Variants in MAML2 observed in about 807,000 individuals in gnomAD.
MAML2 encodes mastermind like transcriptional coactivator 2.
In MAML2, 22 loss-of-function variants were observed where a neutral mutation model predicts 96.1. The ratio of observed to expected loss-of-function variants is 0.23; its 90% confidence interval spans 0.16 to 0.33. The LOEUF (loss-of-function observed/expected upper bound fraction) is 0.33, where lower values mean the gene tolerates loss of function less well. Among genes scored for constraint, MAML2 ranks in the 10% least tolerant of loss-of-function variants. The pLI is 1.00. For missense variants in MAML2, 1,367 were observed against 1,392.4 expected (o/e 0.98, Z 0.29); for synonymous variants, 561 against 521.3 (o/e 1.08, Z -1.04).
At chr11:96,173,770 C>T (rs868104426) in intron 1 of MAML2, among the ~76,000 whole-genome samples, 5 of 152,198 alleles carry the variant, frequency 3.3e-5, no homozygotes, top group Non-Finnish European at 5.9e-5. Context: ...CTCTTGTCCC[C>T]CAACATCATT....
chr11:96,120,269 A>G (rs1024000527), intron 1 of MAML2, among the ~76,000 whole-genome samples: 2 of 152,124 alleles, frequency 1.3e-5, no homozygotes, highest in African/African-American at 4.8e-5. Context: ...GAAGATTCAG[A>G]TTCTTAAGGT....
intron 1 of MAML2, among the ~76,000 whole-genome samples, chr11:96,203,421 G>A (rs918825987): frequency 1.3e-5 from 2 of 152,196 alleles, no homozygotes; most frequent in African/African-American, 4.8e-5. Context: ...AGTCCTATCA[G>A]ATTATGCCTT....
At chr11:96,166,728 T>C (rs1861201255) in intron 1 of MAML2, among the ~76,000 whole-genome samples, 2 of 152,234 alleles carry the variant, frequency 1.3e-5, no homozygotes, top group African/African-American at 4.8e-5. Flanking sequence ...TACTGTCTGT[T>C]TTAGGTTTCA....
intron 3 of MAML2, among the ~76,000 whole-genome samples, chr11:95,989,847 T>C (rs995468785): frequency 1.2e-4 from 19 of 152,230 alleles, no homozygotes; most frequent in African/African-American, 4.6e-4. Flanking sequence ...TCTTTTCACA[T>C]GCCCTGAATA....
chr11:96,023,699 G>A (rs1277763249), intron 2 of MAML2, among the ~76,000 whole-genome samples: 1 of 152,160 alleles, frequency 6.6e-6, no homozygotes, highest in East Asian at 1.9e-4. Flanking sequence ...TGATCACAAG[G>A]CCTTTCCACC....
chr11:96,183,701 C>T lies in MAML2; in HGVS notation c.514-90184G>A, dbSNP rs1861527642. On this transcript the variant is annotated intron_variant, in intron 1 of 4. Coordinates refer to ENST00000524717, the MANE Select transcript of MAML2 (RefSeq NM_032427.4). The stretch of plus-strand genomic sequence containing the variant: ...CTAGGATTATAAGCATAAGCCACCA[C>T]ACCCAGCCCATTTCTTTTATTATTA... Among the ~76,000 whole-genome samples, 3 of 152,162 alleles carry T rather than the reference C, an allele frequency of 2.0e-5. 1 individual carries two copies. In the South Asian group the frequency reaches 6.2e-4, roughly 31 times the overall value.
At chr11:96,199,738 C>G (rs1275344095) in intron 1 of MAML2, among the ~76,000 whole-genome samples, 2 of 152,186 alleles carry the variant, frequency 1.3e-5, no homozygotes, top group Non-Finnish European at 2.9e-5. Flanking sequence ...CTAAATCTAA[C>G]TCTGCTTAGT....
At chr11:96,159,817 C>G (rs148374144) in intron 1 of MAML2, among the ~76,000 whole-genome samples, 165 of 152,256 alleles carry the variant, frequency 1.1e-3, no homozygotes, top group African/African-American at 3.7e-3. Context: ...CCAGTAGGGC[C>G]TGGAAATTTG....
chr11:96,219,548 C>A (rs965236692), intron 1 of MAML2, among the ~76,000 whole-genome samples: 1 of 152,140 alleles, frequency 6.6e-6, no homozygotes, highest in Non-Finnish European at 1.5e-5. Context: ...AGGAGTCAGA[C>A]CAATTTTGGT....
At chr11:96,072,807 T>G (rs1859368108) in intron 2 of MAML2, among the ~76,000 whole-genome samples, 1 of 152,200 alleles carries the variant, frequency 6.6e-6, no homozygotes, top group Non-Finnish European at 1.5e-5. Flanking sequence ...CCTCTTACCC[T>G]GCTCTGCCAA....
intron 1 of MAML2, among the ~76,000 whole-genome samples, chr11:96,183,205 C>T (rs924079301): frequency 1.5e-4 from 23 of 152,214 alleles, no homozygotes; most frequent in Middle Eastern, 3.4e-3. Flanking sequence ...GTGATCCACC[C>T]GCCTCGGCCT....
chr11:96,052,796 G>C (rs1939474), intron 2 of MAML2, among the ~76,000 whole-genome samples: 19,036 of 152,238 alleles, frequency 0.13, 1,512 homozygotes, highest in South Asian at 0.18. Flanking sequence ...TGAAGATTCA[G>C]TACCTAGTCT....
chr11:95,983,408 T>C (rs1214013266), intron 4 of MAML2, among the ~76,000 whole-genome samples: 1 of 152,054 alleles, frequency 6.6e-6, no homozygotes, highest in East Asian at 1.9e-4. Context: ...GGGGAGGATG[T>C]GGGGAGAAAA....
chr11:96,030,684 C>T (rs1009572161), intron 2 of MAML2, among the ~76,000 whole-genome samples: 4 of 152,156 alleles, frequency 2.6e-5, no homozygotes, highest in African/African-American at 9.7e-5. Flanking sequence ...ACTGAGTGTT[C>T]TATAGTGACC....
At chr11:96,087,388 A>T (rs1249709579) in intron 2 of MAML2, among the ~76,000 whole-genome samples, 1 of 152,228 alleles carries the variant, frequency 6.6e-6, no homozygotes, top group East Asian at 1.9e-4. Context: ...ATGGTGAAAT[A>T]TCAAAAATAA....
intron 1 of MAML2, among the ~76,000 whole-genome samples, chr11:96,174,631 G>T (rs1327798277): frequency 6.6e-6 from 1 of 152,084 alleles, no homozygotes; most frequent in African/African-American, 2.4e-5. Flanking sequence ...TGATCCACCC[G>T]CCTTGGCCTC....
At chr11:96,018,291 A>G (rs1460636965) in intron 2 of MAML2, among the ~76,000 whole-genome samples, 1 of 152,208 alleles carries the variant, frequency 6.6e-6, no homozygotes, top group East Asian at 1.9e-4. Context: ...TGCTTATTAC[A>G]CATCCAAGTG....
intron 1 of MAML2, among the ~76,000 whole-genome samples, chr11:96,121,021 C>T (rs913560745): frequency 6.6e-6 from 1 of 152,162 alleles, no homozygotes; most frequent in Admixed American, 6.5e-5. Flanking sequence ...TGCAACAGTC[C>T]CTTGGGAGGT....
At chr11:96,233,606 G>A (rs1278315621) in intron 1 of MAML2, among the ~76,000 whole-genome samples, 8 of 152,078 alleles carry the variant, frequency 5.3e-5, no homozygotes, top group African/African-American at 1.9e-4. Context: ...CAGGGGTCTT[G>A]CTGTGCTGCC....
Sources: gnomAD v4.1 joint callset for allele counts (sites outside exome capture counted in the v4.1 genomes callset) on GRCh38, gnomAD v4.1.1 for gene constraint, MANE v1.5 for transcripts, NCBI Gene and HGNC (gene_info 2026-07-23, HGNC 2026-07-21) for gene names.